CDH13: variants seen among roughly 807,000 people sequenced by gnomAD.
CDH13 encodes cadherin 13, also known as cadherin-13.
In CDH13, 24 loss-of-function variants were observed where a neutral mutation model predicts 63.8. The ratio of observed to expected loss-of-function variants is 0.38; its 90% CI spans 0.27 to 0.53. The LOEUF is 0.53. Ranked by LOEUF, CDH13 falls within the 20% of genes least tolerant of loss-of-function variation. The pLI is 0.85. For missense variants in CDH13, 1,049 were observed against 903.1 expected (o/e 1.16, Z -2.07); for synonymous variants, 503 against 355.3 (o/e 1.42, Z -4.67).
chr16:83,587,244 C>T (rs1018196124), intron 7 of CDH13, among the ~76,000 whole-genome samples: 1 of 152,146 alleles, frequency 6.6e-6, no homozygotes, highest in Non-Finnish European at 1.5e-5. Flanking sequence ...GCAAAGCCAA[C>T]TTTGATTGCG....
intron 7 of CDH13, among the ~76,000 whole-genome samples, chr16:83,515,193 C>G (rs769625078): frequency 6.6e-5 from 10 of 152,164 alleles, no homozygotes; most frequent in Non-Finnish European, 1.3e-4. Context: ...TACTTGAGGA[C>G]TCATGCCTCA....
rs536726718 is a variant in CDH13, at chr16:83,768,359, C to G, written c.1682-11609C>G. On this transcript the variant is annotated intron_variant, in intron 11 of 13. Transcript: ENST00000567109. ...ATAAAATCCCTGAAATTTAAATAGA[C>G]AAAAAAACACACACACAAATTGTAA... Among the ~76,000 whole-genome samples the G allele has an allele frequency of 2.1e-3, 320 of 152,034 alleles. 1 individual carries two copies. The highest frequency in any genetic ancestry group is 7.4e-3 in the African/African-American group (306 of 41,464).
At chr16:83,318,232 G>C (rs2090146458) in intron 5 of CDH13, among the ~76,000 whole-genome samples, 1 of 152,174 alleles carries the variant, frequency 6.6e-6, no homozygotes, top group South Asian at 2.1e-4. Flanking sequence ...AGTAAGGAAG[G>C]TCTTACTGTG....
intron 3 of CDH13, among the ~76,000 whole-genome samples, chr16:83,121,015 G>A (rs938385711): frequency 6.6e-6 from 1 of 152,058 alleles, no homozygotes; most frequent in Non-Finnish European, 1.5e-5. Flanking sequence ...TCCCGCCTCG[G>A]CCTCCCAAAG....
intron 1 of CDH13, among the ~76,000 whole-genome samples, chr16:82,849,544 G>T (rs1170846225): frequency 6.6e-6 from 1 of 152,146 alleles, no homozygotes; most frequent in Non-Finnish European, 1.5e-5. Flanking sequence ...GAAGCAGGAA[G>T]TGCTGATATA....
intron 1 of CDH13, among the ~76,000 whole-genome samples, chr16:82,699,010 T>C (rs2030671603): frequency 6.6e-6 from 1 of 152,222 alleles, no homozygotes; most frequent in African/African-American, 2.4e-5. Flanking sequence ...CATGCCACAT[T>C]TGGCCCGTGA....
intron 5 of CDH13, among the ~76,000 whole-genome samples, chr16:83,228,031 A>C (rs1437669387): frequency 6.6e-6 from 1 of 152,044 alleles, no homozygotes; most frequent in Non-Finnish European, 1.5e-5. Context: ...GGGTGGTGGG[A>C]GACACTGCTT....
At chr16:83,147,216 G>C (rs1472108920) in intron 4 of CDH13, among the ~76,000 whole-genome samples, 1 of 152,190 alleles carries the variant, frequency 6.6e-6, no homozygotes, top group Non-Finnish European at 1.5e-5. Flanking sequence ...ACCAACTGTA[G>C]TCAACCACAT....
chr16:82,922,375 C>T (rs903994525), intron 2 of CDH13, among the ~76,000 whole-genome samples: 1 of 152,172 alleles, frequency 6.6e-6, no homozygotes, highest in Non-Finnish European at 1.5e-5. Context: ...GCCTGTATTA[C>T]AGAAGAAGAC....
At chr16:83,232,576 C>T (rs1306077574) in intron 5 of CDH13, among the ~76,000 whole-genome samples, 1 of 150,934 alleles carries the variant, frequency 6.6e-6, no homozygotes, top group Non-Finnish European at 1.5e-5. Flanking sequence ...AAGTGTGGCA[C>T]CTCCCTTCCC....
In CDH13 at chr16:83,024,565, C is replaced by A. The variant is rs148224924; in HGVS notation, c.158-7445C>A. Among the ~76,000 whole-genome samples, 186 of 152,220 alleles carry A rather than the reference C, an allele frequency of 1.2e-3. 1 individual carries two copies. Among genetic ancestry groups the A allele is most frequent in the African/African-American group, 4.3e-3 (177 of 41,530 alleles). The stretch of plus-strand genomic sequence containing the variant: ...TCGGTTCATATAATGACTTCGTGGC[C>A]TCGGATAACTCATGCAACCTCACTA... On this transcript the variant is annotated intron_variant, in intron 2 of 13. Transcript: ENST00000567109.
At chr16:83,273,963 G>A (rs1013151007) in intron 5 of CDH13, among the ~76,000 whole-genome samples, 1 of 152,132 alleles carries the variant, frequency 6.6e-6, no homozygotes, top group Non-Finnish European at 1.5e-5. Flanking sequence ...ATCATAGGCG[G>A]CAGTGCAGGT....
chr16:82,771,891 G>C (rs2035282589), intron 1 of CDH13, among the ~76,000 whole-genome samples: 1 of 152,240 alleles, frequency 6.6e-6, no homozygotes, highest in Admixed American at 6.5e-5. Flanking sequence ...TTGCACTTCA[G>C]TGCTGGCCCC....
intron 9 of CDH13, among the ~76,000 whole-genome samples, chr16:83,676,065 C>T (rs1053506926): frequency 6.6e-6 from 1 of 152,028 alleles, no homozygotes; most frequent in African/African-American, 2.4e-5. Flanking sequence ...TAATGACATC[C>T]CCAGGAAAGA....
chr16:82,891,731 T>C (rs1012205028), intron 2 of CDH13, among the ~76,000 whole-genome samples: 2 of 152,154 alleles, frequency 1.3e-5, no homozygotes, highest in Admixed American at 1.3e-4. Flanking sequence ...TCACCTAAAG[T>C]ACACATCACA....
At chr16:82,828,469 C>A (rs923644247) in intron 1 of CDH13, among the ~76,000 whole-genome samples, 9 of 152,064 alleles carry the variant, frequency 5.9e-5, no homozygotes, top group African/African-American at 1.9e-4. Context: ...ATAGAAACCT[C>A]AGCTAGGAGT....
chr16:83,774,835 T>C (rs1914997801), intron 11 of CDH13, among the ~76,000 whole-genome samples: 1 of 152,114 alleles, frequency 6.6e-6, no homozygotes, highest in African/African-American at 2.4e-5. Context: ...TTTTGCATGG[T>C]GAGAAAGTTC....
intron 1 of CDH13, among the ~76,000 whole-genome samples, chr16:82,814,645 T>A (rs1308400703): frequency 1.3e-5 from 2 of 152,218 alleles, no homozygotes; most frequent in Non-Finnish European, 2.9e-5. Flanking sequence ...TCATCTATAC[T>A]CTTTGTAATA....
chr16:83,789,167 C>T, intron 13 of CDH13, among the ~76,000 whole-genome samples: 1 of 152,102 alleles, frequency 6.6e-6, no homozygotes, highest in Non-Finnish European at 1.5e-5. Context: ...AGGTAACCAC[C>T]AGTGCCCAAC....
Sources: gnomAD v4.1 joint callset for allele counts (sites outside exome capture counted in the v4.1 genomes callset) on GRCh38, gnomAD v4.1.1 for gene constraint, MANE v1.5 for transcripts, NCBI Gene and HGNC (gene_info 2026-07-23, HGNC 2026-07-21) for gene names.